CA10: variants seen among roughly 807,000 people sequenced by gnomAD.
CA10 encodes carbonic anhydrase 10 (inactive).
CA10 carries 14 observed loss-of-function variants against 44.2 expected under a neutral mutation model. The ratio of observed to expected loss-of-function variants is 0.32; its 90% confidence interval spans 0.21 to 0.50. The LOEUF is 0.50. Ranked by LOEUF, CA10 falls within the 20% of genes least tolerant of loss-of-function variation. The pLI is 0.99. For missense variants in CA10, 350 were observed against 409.7 expected (o/e 0.85, Z 1.26); for synonymous variants, 159 against 141.6 (o/e 1.12, Z -0.87).
rs770846044 is a variant in CA10, at chr17:51,998,756, G to A, written c.137-67624C>T. 2.0e-5 allele frequency among the ~76,000 whole-genome samples: 3 copies of A among 152,016 alleles called. No individual in the cohort carries two copies. In the East Asian group the frequency reaches 5.8e-4, roughly 29 times the overall value. ...AATTCCACTTTAATGCTAGGACTCT[G>A]GTTTTAATCAACTTATTTTGATCAC... On this transcript the variant is annotated intron_variant, in intron 2 of 8. Transcript: ENST00000451037.
intron 3 of CA10, among the ~76,000 whole-genome samples, chr17:51,775,006 G>T (rs1396638312): frequency 6.6e-6 from 1 of 152,000 alleles, no homozygotes; most frequent in African/African-American, 2.4e-5. Context: ...AGGTTCCCAG[G>T]CCTTGGGAGA....
At chr17:51,893,393 G>C (rs1472601347) in intron 3 of CA10, among the ~76,000 whole-genome samples, 1 of 152,136 alleles carries the variant, frequency 6.6e-6, no homozygotes, top group Admixed American at 6.5e-5. Flanking sequence ...GGTATTTTGA[G>C]TGATGACTGT....
chr17:51,754,705 T>C (rs898276569), intron 3 of CA10, among the ~76,000 whole-genome samples: 1 of 151,962 alleles, frequency 6.6e-6, no homozygotes, highest in African/African-American at 2.4e-5. Context: ...ATCTCATCCA[T>C]AGACATTCTC....
intron 4 of CA10, among the ~76,000 whole-genome samples, chr17:51,724,444 G>C (rs1256496347): frequency 1.3e-5 from 2 of 152,162 alleles, no homozygotes; most frequent in Non-Finnish European, 2.9e-5. Context: ...TATAAGATGG[G>C]CTAGAATTTC....
At chr17:51,876,197 C>T (rs1426240937) in intron 3 of CA10, among the ~76,000 whole-genome samples, 2 of 122,036 alleles carry the variant, frequency 1.6e-5, no homozygotes, top group Admixed American at 9.4e-5. Flanking sequence ...AACAAGGTCT[C>T]ACCCTGTCAC....
At chr17:52,145,529 A>G (rs1292715461) in intron 1 of CA10, among the ~76,000 whole-genome samples, 1 of 152,186 alleles carries the variant, frequency 6.6e-6, no homozygotes, top group East Asian at 1.9e-4. Flanking sequence ...ACCTAATTCT[A>G]TCTTCCCTAT....
chr17:51,839,828 T>A (rs147166875), intron 3 of CA10, among the ~76,000 whole-genome samples: 2 of 152,262 alleles, frequency 1.3e-5, no homozygotes, highest in African/African-American at 2.4e-5. Flanking sequence ...GAAAATCAAT[T>A]CCAGGAATCA....
intron 3 of CA10, among the ~76,000 whole-genome samples, chr17:51,900,034 C>T (rs1187737749): frequency 1.3e-5 from 2 of 151,902 alleles, no homozygotes; most frequent in Non-Finnish European, 2.9e-5. Flanking sequence ...AGCCTGTTTA[C>T]ATTCAATTTT....
Position 52,046,410 on chromosome 17 carries a change from C to T in CA10, c.136+25909G>A, listed in dbSNP as rs184748341. 3.7e-3 allele frequency among the ~76,000 whole-genome samples: 557 copies of T among 151,374 alleles called. 3 individuals carry two copies. Among genetic ancestry groups the T allele is most frequent in the African/African-American group, 0.013 (521 of 41,410 alleles). On this transcript the variant is annotated intron_variant, in intron 2 of 8. Coordinates refer to ENST00000451037, the MANE Select transcript of CA10 (RefSeq NM_020178.5). ...TTTATCACTAAGATTCTACAGACACCGAAAGTATACTAAAAGGATATAATG... is the reference window on the plus strand; with the variant it reads ...TTTATCACTAAGATTCTACAGACACTGAAAGTATACTAAAAGGATATAATG...
At chr17:51,662,071 G>T (rs1415331622) in intron 4 of CA10, among the ~76,000 whole-genome samples, 1 of 152,184 alleles carries the variant, frequency 6.6e-6, no homozygotes, top group Non-Finnish European at 1.5e-5. Flanking sequence ...GATGAATAAA[G>T]AACTTCCAGT....
intron 2 of CA10, among the ~76,000 whole-genome samples, chr17:52,058,040 A>G (rs1987278320): frequency 6.6e-6 from 1 of 152,158 alleles, no homozygotes; most frequent in African/African-American, 2.4e-5. Flanking sequence ...GGAGTACTTC[A>G]TATTGGATGG....
At chr17:52,080,352 T>C (rs535783876) in intron 1 of CA10, among the ~76,000 whole-genome samples, 106 of 151,926 alleles carry the variant, frequency 7.0e-4, no homozygotes, top group African/African-American at 2.1e-3. Flanking sequence ...CTCGGGAGGC[T>C]GAGGCAGGAG....
chr17:51,778,678 C>T (rs150819123), intron 3 of CA10, among the ~76,000 whole-genome samples: 1 of 152,260 alleles, frequency 6.6e-6, no homozygotes, highest in African/African-American at 2.4e-5. Context: ...GGTAAAGTGC[C>T]TACATTTTCC....
In CA10 at chr17:52,057,188, G is replaced by A. The variant is rs114932407; in HGVS notation, c.136+15131C>T. Among the ~76,000 whole-genome samples the A allele has an allele frequency of 9.2e-3, 1,406 of 152,172 alleles. 21 individuals carry two copies. The highest frequency in any genetic ancestry group is 0.032 in the African/African-American group (1,332 of 41,548). On this transcript the variant is annotated intron_variant, in intron 2 of 8. Coordinates refer to ENST00000451037, the MANE Select transcript of CA10 (RefSeq NM_020178.5). ...GACCCTTGAACAACATGGGGTGTGAGCTACGTAGGTCGACTTATACACAGA... is the reference window on the plus strand; with the variant it reads ...GACCCTTGAACAACATGGGGTGTGAACTACGTAGGTCGACTTATACACAGA...
chr17:51,988,099 A>G (rs766563200), intron 2 of CA10, among the ~76,000 whole-genome samples: 4 of 152,044 alleles, frequency 2.6e-5, no homozygotes, highest in Non-Finnish European at 5.9e-5. Context: ...AAGAATTGGG[A>G]ATATTTTAAG....
At chr17:51,839,578 A>G (rs2143801533) in intron 3 of CA10, among the ~76,000 whole-genome samples, 1 of 151,648 alleles carries the variant, frequency 6.6e-6, no homozygotes, top group East Asian at 1.9e-4. Context: ...GAAGTAAAAA[A>G]TTCATTGATT....
chr17:51,954,178 C>A (rs1983583291), intron 2 of CA10, among the ~76,000 whole-genome samples: 1 of 152,108 alleles, frequency 6.6e-6, no homozygotes, highest in African/African-American at 2.4e-5. Context: ...ACTTTTTAAA[C>A]TAAAGTGTTA....
chr17:51,804,625 T>C (rs1373189437), intron 3 of CA10, among the ~76,000 whole-genome samples: 1 of 152,192 alleles, frequency 6.6e-6, no homozygotes, highest in Admixed American at 6.5e-5. Flanking sequence ...CCATTTTCAC[T>C]CTTGCAGCTT....
chr17:51,749,630 A>G (rs1288936921), intron 3 of CA10, among the ~76,000 whole-genome samples: 1 of 152,240 alleles, frequency 6.6e-6, no homozygotes, highest in Non-Finnish European at 1.5e-5. Flanking sequence ...AAGGGAACTG[A>G]TAGACACTAA....
Sources: gnomAD v4.1 joint callset for allele counts (sites outside exome capture counted in the v4.1 genomes callset) on GRCh38, gnomAD v4.1.1 for gene constraint, MANE v1.5 for transcripts, NCBI Gene and HGNC (gene_info 2026-07-23, HGNC 2026-07-21) for gene names.